PRKCQ: variants seen among roughly 807,000 people sequenced by gnomAD.
PRKCQ encodes the protein protein kinase C theta type.
PRKCQ carries 41 observed loss-of-function variants against 91.2 expected under a neutral mutation model. That is an observed-to-expected ratio of 0.45 (90% CI 0.35 to 0.58). PRKCQ has a LOEUF of 0.58. PRKCQ is among the 20% of genes least tolerant of loss of function. The probability of loss-of-function intolerance (pLI) is 0.00; values close to 1 mark genes in which losing one functional copy is unlikely to be tolerated. For missense variants in PRKCQ, 673 were observed against 896.5 expected (o/e 0.75, Z 3.18); for synonymous variants, 307 against 316.9 (o/e 0.97, Z 0.33).
chr10:6,479,576 T>A (rs1836462560), intron 11 of PRKCQ, among the ~76,000 whole-genome samples: 1 of 151,964 alleles, frequency 6.6e-6, no homozygotes, highest in South Asian at 2.1e-4. Flanking sequence ...CTTTACGTTT[T>A]ACCCAGTTTT....
At chr10:6,425,204 T>C (rs1238701269), downstream of PRKCQ, among the ~76,000 whole-genome samples, 1 of 150,290 alleles carries the variant, frequency 6.7e-6, no homozygotes, top group Non-Finnish European at 1.5e-5. Context: ...ATGGTCTCCC[T>C]GGGCCTCAGG....
chr10:6,458,037 T>C (rs1218731681), intron 14 of PRKCQ, among the ~76,000 whole-genome samples: 1 of 152,100 alleles, frequency 6.6e-6, no homozygotes, highest in African/African-American at 2.4e-5. Context: ...CCTCAACCTC[T>C]TGAGCAAGCA....
chr10:6,474,912 G>T (rs1206531385), intron 12 of PRKCQ, among the ~76,000 whole-genome samples: 1 of 152,120 alleles, frequency 6.6e-6, no homozygotes, highest in Admixed American at 6.6e-5. Context: ...GTACTGAGAA[G>T]GGATCGTGCA....
intron 1 of PRKCQ, among the ~76,000 whole-genome samples, chr10:6,527,399 C>A (rs534661360): frequency 2.7e-4 from 41 of 152,046 alleles, no homozygotes; most frequent in Non-Finnish European, 2.1e-4. Context: ...GACAACAGCA[C>A]CCATCACTTA....
chr10:6,495,550 T>G (rs1042153936), intron 7 of PRKCQ, among the ~76,000 whole-genome samples: 1 of 152,234 alleles, frequency 6.6e-6, no homozygotes. Context: ...CTCTCCACCT[T>G]GCACCTTGTT....
intron 1 of PRKCQ, among the ~76,000 whole-genome samples, chr10:6,530,464 T>C (rs1234238028): frequency 6.6e-6 from 1 of 152,238 alleles, no homozygotes; most frequent in African/African-American, 2.4e-5. Context: ...CGCAGTGAGC[T>C]AACAGTTTTA....
intron 1 of PRKCQ, among the ~76,000 whole-genome samples, chr10:6,551,861 G>C (rs1372201223): frequency 6.6e-6 from 1 of 152,196 alleles, no homozygotes; most frequent in Non-Finnish European, 1.5e-5. Context: ...GGGTCGAATG[G>C]TAGCTCTGTT....
At chr10:6,570,594 A>G (rs1244455613) in intron 1 of PRKCQ, among the ~76,000 whole-genome samples, 4 of 143,584 alleles carry the variant, frequency 2.8e-5, no homozygotes, top group African/African-American at 1.0e-4. Flanking sequence ...TTGCTCTGTC[A>G]CCCAGGCTGG....
intron 1 of PRKCQ, among the ~76,000 whole-genome samples, chr10:6,538,820 C>T (rs1425825559): frequency 6.6e-6 from 1 of 152,118 alleles, no homozygotes; most frequent in Non-Finnish European, 1.5e-5. Flanking sequence ...GATGGAGTCT[C>T]GCTCTGTCAC....
At chr10:6,537,081 G>A (rs889557594) in intron 1 of PRKCQ, among the ~76,000 whole-genome samples, 5 of 152,322 alleles carry the variant, frequency 3.3e-5, no homozygotes, top group African/African-American at 1.2e-4. Flanking sequence ...TGGGGGTGTC[G>A]GAGTGTGGCT....
chr10:6,451,836 A>AT (rs1300516160), intron 15 of PRKCQ, among the ~76,000 whole-genome samples: 11 of 152,262 alleles, frequency 7.2e-5, no homozygotes, highest in East Asian at 5.8e-4. Flanking sequence ...CCACATGATT[A>AT]CTCAATAGAT....
chr10:6,499,191 A>C (rs1447267839), intron 4 of PRKCQ, among the ~76,000 whole-genome samples: 1 of 152,238 alleles, frequency 6.6e-6, no homozygotes, highest in Admixed American at 6.5e-5. Context: ...AAAAGGCCAG[A>C]AAATTAATAG....
chr10:6,485,863 T>C (rs931378636), intron 9 of PRKCQ, among the ~76,000 whole-genome samples, 172 bp downstream of exon 9: 4 of 152,216 alleles, frequency 2.6e-5, no homozygotes, highest in Non-Finnish European at 4.4e-5. Flanking sequence ...ATTAAATAAA[T>C]ATCTCAAAGA....
chr10:6,506,955 T>A (rs1838228628), intron 4 of PRKCQ, among the ~76,000 whole-genome samples: 1 of 152,230 alleles, frequency 6.6e-6, no homozygotes. Context: ...TTTTCTCACC[T>A]TTTCTTGTTC....
chr10:6,419,189 CTCTA>C, the PRKCQ span, among the ~76,000 whole-genome samples: 14 of 151,666 alleles, frequency 9.2e-5, no homozygotes, highest in African/African-American at 3.4e-4. Flanking sequence ...CTGTCTATCT[CTCTA>C]TCTCTCTATT....
chr10:6,462,367 T>C lies in PRKCQ; in HGVS notation c.1446-2A>G, dbSNP rs966189209. 1.9e-6 allele frequency: 3 copies of C among 1,613,690 alleles called. No individual in the cohort carries two copies. Among genetic ancestry groups the C allele is most frequent in the Non-Finnish European group, 2.5e-6 (3 of 1,179,780 alleles). Reference sequence around the variant, plus strand: ...AGAATGATTTCAGCAGCATAAAACCTGGGGGAAGGAGAACCAAGGTTCAAC... The same window carrying C: ...AGAATGATTTCAGCAGCATAAAACCCGGGGGAAGGAGAACCAAGGTTCAAC... On this transcript the variant is annotated splice_acceptor_variant, in intron 13 of 17. Transcript: ENST00000263125. LOFTEE classifies it high-confidence loss of function.
intron 8 of PRKCQ, among the ~76,000 whole-genome samples, chr10:6,486,876 G>A (rs181100748): frequency 6.6e-6 from 1 of 152,342 alleles, no homozygotes; most frequent in African/African-American, 2.4e-5. Flanking sequence ...ATCAGACGGT[G>A]GAGCCGGAGT....
rs1393358785 is a variant in PRKCQ, at chr10:6,496,701, G to A, written c.660+334C>T. 3.3e-5 allele frequency among the ~76,000 whole-genome samples: 5 copies of A among 151,358 alleles called. No individual in the cohort carries two copies. In the East Asian group the frequency reaches 7.7e-4, roughly 23 times the overall value. On this transcript the variant is annotated intron_variant, in intron 7 of 17. Transcript: ENST00000263125. ...TTTTTTCTTTTCTTTTTGAGATGGAGTCTCACTCTGTTGCCCAGACTGGAG... is the reference window on the plus strand; with the variant it reads ...TTTTTTCTTTTCTTTTTGAGATGGAATCTCACTCTGTTGCCCAGACTGGAG...
intron 1 of PRKCQ, among the ~76,000 whole-genome samples, chr10:6,532,471 C>G (rs1017928123): frequency 6.6e-6 from 1 of 152,160 alleles, no homozygotes; most frequent in Non-Finnish European, 1.5e-5. Flanking sequence ...CATCCCACCC[C>G]GACTGCACCC....
Sources: allele counts gnomAD v4.1 joint callset (sites outside exome capture counted in the v4.1 genomes callset), GRCh38; gene constraint gnomAD v4.1.1; transcripts MANE v1.5; gene names NCBI Gene and HGNC (gene_info 2026-07-23, HGNC 2026-07-21).